Variants in USH2A observed in about 807,000 individuals in gnomAD.
USH2A encodes usherin.
In USH2A, 443 loss-of-function variants were observed where a neutral mutation model predicts 538.9. The observed-to-expected ratio is 0.82, with a 90% CI of 0.76 to 0.89. The LOEUF is 0.89. Ranked by LOEUF, USH2A falls within the 40% of genes least tolerant of loss-of-function variation. USH2A has a pLI of 0.00. For missense variants in USH2A, 6,633 were observed against 6,324.8 expected (o/e 1.05, Z -1.65); for synonymous variants, 2,413 against 2,273.5 (o/e 1.06, Z -1.75).
At chr1:215,633,626 A>G (rs1402698451) in intron 70 of USH2A, among the ~76,000 whole-genome samples, 1 of 152,128 alleles carries the variant, frequency 6.6e-6, no homozygotes, top group Non-Finnish European at 1.5e-5. Flanking sequence ...GGTAGCCACT[A>G]GCTAATATAG....
At chr1:216,136,260 A>G (rs1278056685) in intron 21 of USH2A, among the ~76,000 whole-genome samples, 2 of 152,150 alleles carry the variant, frequency 1.3e-5, no homozygotes, top group African/African-American at 4.8e-5. Context: ...TATAAATATA[A>G]GAAAACTCAT....
intron 61 of USH2A, among the ~76,000 whole-genome samples, chr1:215,698,055 C>T (rs1406282751): frequency 6.6e-6 from 1 of 152,142 alleles, no homozygotes; most frequent in East Asian, 1.9e-4. Context: ...TCAACTCCCA[C>T]TTATGAGTGA....
intron 64 of USH2A, among the ~76,000 whole-genome samples, chr1:215,660,668 C>T (rs1052434296): frequency 6.6e-6 from 1 of 152,032 alleles, no homozygotes; most frequent in Non-Finnish European, 1.5e-5. Flanking sequence ...TAAAATTTCT[C>T]AAAAAGTCCT....
chr1:215,727,624 C>T (rs1388941424), intron 61 of USH2A, among the ~76,000 whole-genome samples: 1 of 151,934 alleles, frequency 6.6e-6, no homozygotes, highest in African/African-American at 2.4e-5. Context: ...ACTCAGGAGG[C>T]TGAGGCAGGA....
At chr1:216,372,113 G>A (rs1571751676) in intron 3 of USH2A, among the ~76,000 whole-genome samples, 1 of 152,302 alleles carries the variant, frequency 6.6e-6, no homozygotes, top group African/African-American at 2.4e-5. Flanking sequence ...ATGTGTGTGT[G>A]CACCTGCTAC....
chr1:216,152,487 C>A (rs981756687), intron 21 of USH2A, among the ~76,000 whole-genome samples: 2 of 151,580 alleles, frequency 1.3e-5, no homozygotes, highest in Non-Finnish European at 2.9e-5. Flanking sequence ...CACCTTGCGA[C>A]CCCCACTCCC....
At chr1:215,978,247 G>A (rs1667668325) in intron 35 of USH2A, among the ~76,000 whole-genome samples, 1 of 152,134 alleles carries the variant, frequency 6.6e-6, no homozygotes, top group African/African-American at 2.4e-5. Context: ...TGTTGTCATT[G>A]CTGTAAAGAG....
chr1:215,771,930 T>C (rs924928051), intron 55 of USH2A, among the ~76,000 whole-genome samples: 22 of 152,182 alleles, frequency 1.4e-4, no homozygotes, highest in Non-Finnish European at 2.6e-4. Flanking sequence ...TTCTATCTTT[T>C]AGTTTTTATA....
At chr1:216,326,603 T>C (rs1179847482) in intron 5 of USH2A, among the ~76,000 whole-genome samples, 1 of 152,296 alleles carries the variant, frequency 6.6e-6, no homozygotes, top group Non-Finnish European at 1.5e-5. Context: ...ATCTAAAATA[T>C]AGTAAGGCTT....
rs777038197 is a variant in USH2A at position 215,728,135 on chromosome 1, C to T, written c.11961G>A (p.Lys3987=). 3 of 1,614,156 alleles carry T rather than the reference C, an allele frequency of 1.9e-6. 1 individual carries two copies. The South Asian group carries it at 3.3e-5, about 18-fold the overall frequency. Reference sequence around the variant, plus strand: ...AGATAATGCCATTGGGAGATTCTGGCTTTGTCCAATTCAACAGAACTGAAT... The same window carrying T: ...AGATAATGCCATTGGGAGATTCTGGTTTTGTCCAATTCAACAGAACTGAAT... ...SAHSVLLNWT[K]PESPNGIISH... is the part of the protein sequence containing the mutation. The change falls in exon 61 of 72, where the codon AAG becomes AAA. Residue 3987 remains lysine, a synonymous_variant. Coordinates refer to ENST00000307340, the MANE Select transcript of USH2A (RefSeq NM_206933.4).
At chr1:216,169,139 CAT>C (rs1417244282) in intron 21 of USH2A, among the ~76,000 whole-genome samples, 1 of 152,098 alleles carries the variant, frequency 6.6e-6, no homozygotes, top group African/African-American at 2.4e-5. Flanking sequence ...TTCTGGAAAA[CAT>C]ATGTTTATGC....
Position 216,422,332 on chromosome 1 carries a change from T to A in USH2A, c.5A>T (p.Asn2Ile), listed in dbSNP as rs772861429. ...AGAGCCCAATGAAAGAACTGGGCAA[T>A]TCATGTTTACAAAAAAGCATTCTCC... M[N>I]CPVLSLGSGF... The change falls in exon 2 of 72, where the codon AAT becomes ATT. Residue 2 changes from asparagine (N) to isoleucine (I), a missense_variant. By Grantham distance (149) the Asn-to-Ile change is moderately radical. Transcript: ENST00000307340. 7.9e-5 allele frequency: 128 copies of A among 1,613,578 alleles called. 1 individual carries two copies. In the Admixed American group the frequency reaches 2.1e-3, roughly 26 times the overall value.
intron 21 of USH2A, among the ~76,000 whole-genome samples, chr1:216,111,675 C>G (rs780233362): frequency 1.4e-5 from 2 of 147,482 alleles, no homozygotes; most frequent in East Asian, 2.0e-4. Context: ...TAAAATATGC[C>G]AATACAATAC....
At chr1:216,346,320 C>T (rs1265834187) in intron 4 of USH2A, among the ~76,000 whole-genome samples, 2 of 152,072 alleles carry the variant, frequency 1.3e-5, no homozygotes, top group African/African-American at 2.4e-5. Context: ...GCACCACAGA[C>T]CCCATTTTGA....
intron 3 of USH2A, among the ~76,000 whole-genome samples, chr1:216,402,301 C>T (rs2039319057): frequency 6.6e-6 from 1 of 152,050 alleles, no homozygotes; most frequent in Non-Finnish European, 1.5e-5. Context: ...CAATACATCT[C>T]TATATAACCC....
chr1:216,101,163 A>G (rs2032569644), intron 21 of USH2A, among the ~76,000 whole-genome samples: 1 of 152,250 alleles, frequency 6.6e-6, no homozygotes, highest in African/African-American at 2.4e-5. Context: ...ACAATTAATT[A>G]TTGCCATAGA....
intron 4 of USH2A, among the ~76,000 whole-genome samples, chr1:216,329,125 G>C (rs1167405510): frequency 1.3e-5 from 2 of 152,108 alleles, no homozygotes; most frequent in Non-Finnish European, 2.9e-5. Context: ...GCTGGCACAA[G>C]TGCAAAGAAT....
At chr1:216,119,406 C>G (rs1466532287) in intron 21 of USH2A, among the ~76,000 whole-genome samples, 1 of 151,758 alleles carries the variant, frequency 6.6e-6, no homozygotes, top group East Asian at 1.9e-4. Flanking sequence ...TTGTGAGTAT[C>G]AGTTGCTACT....
chr1:215,842,769 A>C (rs540127267), intron 46 of USH2A, among the ~76,000 whole-genome samples: 1 of 140,442 alleles, frequency 7.1e-6, no homozygotes, highest in African/African-American at 2.8e-5. Flanking sequence ...GTGAGAACAC[A>C]TGGACACAGC....
Sources: gnomAD v4.1 joint callset for allele counts (sites outside exome capture counted in the v4.1 genomes callset) on GRCh38, gnomAD v4.1.1 for gene constraint, MANE v1.5 for transcripts, NCBI Gene and HGNC (gene_info 2026-07-23, HGNC 2026-07-21) for gene names.